The following PIP4K2A variants were observed in gnomAD, a reference collection of about 807,000 sequenced individuals.
PIP4K2A encodes the protein phosphatidylinositol 5-phosphate 4-kinase type-2 alpha.
PIP4K2A carries 14 observed loss-of-function variants against 42.9 expected under a neutral mutation model. The observed-to-expected ratio is 0.33, with a 90% CI of 0.22 to 0.51. The LOEUF (loss-of-function observed/expected upper bound fraction) is 0.51, where lower values mean the gene tolerates loss of function less well. PIP4K2A is among the 20% of genes least tolerant of loss of function. The pLI, the probability that PIP4K2A is intolerant of heterozygous loss-of-function variation, is 0.97. For missense variants in PIP4K2A, 434 were observed against 519.8 expected, an observed-to-expected ratio of 0.83 and a Z score of 1.61; for synonymous variants, 192 against 192.2, an observed-to-expected ratio of 1.00 and a Z score of 0.01.
chr10:22,634,864 G>A (rs1838627880), intron 1 of PIP4K2A, among the ~76,000 whole-genome samples: 1 of 152,142 alleles, frequency 6.6e-6, no homozygotes, highest in African/African-American at 2.4e-5. Context: ...TTCATCTTAA[G>A]TAACCACTAA....
intron 3 of PIP4K2A, among the ~76,000 whole-genome samples, chr10:22,596,756 A>G (rs1258199148): frequency 6.6e-6 from 1 of 152,232 alleles, no homozygotes; most frequent in Non-Finnish European, 1.5e-5. Flanking sequence ...AAACCACTCA[A>G]TATACAGATA....
At chr10:22,691,118 G>A (rs1303302298) in intron 1 of PIP4K2A, among the ~76,000 whole-genome samples, 2 of 152,160 alleles carry the variant, frequency 1.3e-5, no homozygotes, top group African/African-American at 2.4e-5. Flanking sequence ...CAGACGGTGT[G>A]TGCCAAACAG....
At chr10:22,689,210 A>T (rs1043213016) in intron 1 of PIP4K2A, among the ~76,000 whole-genome samples, 5 of 150,344 alleles carry the variant, frequency 3.3e-5, no homozygotes, top group Non-Finnish European at 5.9e-5. Context: ...CCTTGGGAGC[A>T]ATCCCCCATC....
chr10:22,573,262 G>A (rs777683228), intron 5 of PIP4K2A, 49 bp downstream of exon 5: 1 of 1,527,596 alleles, frequency 6.5e-7, no homozygotes, highest in Admixed American at 1.7e-5. Flanking sequence ...TTACAATGTA[G>A]AAGAGTAAGC....
chr10:22,574,765 A>G (rs755847213), intron 4 of PIP4K2A, among the ~76,000 whole-genome samples: 1 of 152,218 alleles, frequency 6.6e-6, no homozygotes, highest in African/African-American at 2.4e-5. Context: ...AAATTAGATG[A>G]GTGAAACATT....
chr10:22,665,030 G>A (rs1839321072), intron 1 of PIP4K2A, among the ~76,000 whole-genome samples: 1 of 151,944 alleles, frequency 6.6e-6, no homozygotes, highest in South Asian at 2.1e-4. Flanking sequence ...CAATACCCAA[G>A]ATAACCACAA....
intron 1 of PIP4K2A, among the ~76,000 whole-genome samples, chr10:22,633,408 C>T (rs1224042918): frequency 6.6e-6 from 1 of 152,170 alleles, no homozygotes; most frequent in East Asian, 1.9e-4. Flanking sequence ...TAAGTCTATG[C>T]GATCCTCTGC....
chr10:22,573,377 T>C lies in PIP4K2A; in HGVS notation c.573A>G (p.Ile191Met). Residue 191 changes from isoleucine (I) to methionine (M), a missense_variant, in exon 5 of 10, where the codon ATA (isoleucine) becomes ATG (methionine). By Grantham distance (10) the Ile-to-Met change is conservative. Around this residue, in one of 2 missense-constraint regions of PIP4K2A, gnomAD observed 395 missense variants for 444.5 expected, o/e 0.89. Coordinates refer to ENST00000376573, the MANE Select transcript of PIP4K2A (RefSeq NM_005028.5). ...ATACATTTCTTGTAACTATCACATATATTTCAACTCCATCAACATTAAGCC... is the reference window on the plus strand; with the variant it reads ...ATACATTTCTTGTAACTATCACATACATTTCAACTCCATCAACATTAAGCC... ...MYRLNVDGVE[I>M]YVIVTRNVFS... The C allele has an allele frequency of 1.9e-6, 3 of 1,613,586 alleles. No individual in the cohort carries two copies. Among genetic ancestry groups the C allele is most frequent in the Non-Finnish European group, 2.5e-6 (3 of 1,179,490 alleles).
intron 6 of PIP4K2A, among the ~76,000 whole-genome samples, chr10:22,555,643 G>A (rs1310243843): frequency 2.0e-5 from 3 of 152,108 alleles, no homozygotes; most frequent in Admixed American, 6.5e-5. Context: ...TAGGGTTAGT[G>A]TGTAAATCAA....
intron 3 of PIP4K2A, among the ~76,000 whole-genome samples, chr10:22,606,714 C>G (rs1407188941): frequency 6.6e-6 from 1 of 152,154 alleles, no homozygotes; most frequent in Non-Finnish European, 1.5e-5. Flanking sequence ...TCTGTAGTCA[C>G]CCAGGGTGGC....
At chr10:22,541,065 T>C (rs1337111710) in intron 8 of PIP4K2A, among the ~76,000 whole-genome samples, 1 of 152,244 alleles carries the variant, frequency 6.6e-6, no homozygotes, top group Non-Finnish European at 1.5e-5. Flanking sequence ...TTTTATCCTA[T>C]CACAAAAATA....
chr10:22,658,980 G>A (rs1018943513), intron 1 of PIP4K2A, among the ~76,000 whole-genome samples: 8 of 152,090 alleles, frequency 5.3e-5, no homozygotes, highest in Admixed American at 3.3e-4. Flanking sequence ...GGCCCCTTGG[G>A]GCAGCTCAAG....
At chr10:22,669,550 C>T (rs1236735417) in intron 1 of PIP4K2A, among the ~76,000 whole-genome samples, 2 of 152,182 alleles carry the variant, frequency 1.3e-5, no homozygotes, top group East Asian at 1.9e-4. Flanking sequence ...GAGCACTTCT[C>T]CCCACTAAGT....
chr10:22,588,258 T>C (rs1837442357), intron 4 of PIP4K2A, among the ~76,000 whole-genome samples: 1 of 152,234 alleles, frequency 6.6e-6, no homozygotes, highest in Admixed American at 6.5e-5. Context: ...ACATGGCCTA[T>C]ACTGATAATT....
At chr10:22,540,821 CTGGGA>C (rs1267016803) in intron 8 of PIP4K2A, among the ~76,000 whole-genome samples, 2 of 152,180 alleles carry the variant, frequency 1.3e-5, no homozygotes, top group African/African-American at 4.8e-5. Context: ...TCCCAAAGTG[CTGGGA>C]TTACAGGCAT....
At chr10:22,608,562 C>A (rs569402197) in intron 2 of PIP4K2A, among the ~76,000 whole-genome samples, 5 of 152,200 alleles carry the variant, frequency 3.3e-5, no homozygotes, top group African/African-American at 1.2e-4. Flanking sequence ...GACAATGGCC[C>A]CCTGAAGAAA....
At position 22,537,214 on chromosome 10, in the gene PIP4K2A, T is replaced by C; in HGVS notation, c.1208A>G (p.His403Arg). ...CTGCGCAGGAGGTTACGTCAAGATGTGGCCAATAAAGTCCAAAAAGCGCTT... is the reference window on the plus strand; with the variant it reads ...CTGCGCAGGAGGTTACGTCAAGATGCGGCCAATAAAGTCCAAAAAGCGCTT... ...YSKRFLDFIG[H>R]ILT The change falls in exon 10 of 10, where the codon CAC (histidine) becomes CGC (arginine). Residue 403 changes from histidine (H) to arginine (R), a missense_variant. His to Arg is a conservative substitution (Grantham distance 29). Coordinates refer to ENST00000376573, the MANE Select transcript of PIP4K2A (RefSeq NM_005028.5). The C allele has an allele frequency of 6.2e-7, 1 of 1,605,114 alleles. No individual in the cohort carries two copies. Among genetic ancestry groups the C allele is most frequent in the Non-Finnish European group, 8.5e-7 (1 of 1,174,724 alleles).
intron 1 of PIP4K2A, chr10:22,713,944 G>A (rs936044957): frequency 2.7e-6 from 1 of 373,214 alleles, no homozygotes; most frequent in African/African-American, 2.1e-5. Flanking sequence ...ACATGCACAC[G>A]GGACCCCCGA....
chr10:22,652,769 TG>T (rs1839019756), intron 1 of PIP4K2A, among the ~76,000 whole-genome samples: 1 of 152,246 alleles, frequency 6.6e-6, no homozygotes, highest in Admixed American at 6.5e-5. Flanking sequence ...CTGAAAACGC[TG>T]CTCCTTGTTC....
Sources: gnomAD v4.1 joint callset for allele counts (sites outside exome capture counted in the v4.1 genomes callset) on GRCh38, gnomAD v4.1.1 for gene constraint, gnomAD v4.1.1 regional missense constraint, MANE v1.5 for transcripts, NCBI Gene and HGNC (gene_info 2026-07-23, HGNC 2026-07-21) for gene names.